The following WFDC8 variants were observed in gnomAD, a reference collection of about 807,000 sequenced individuals.
WFDC8 encodes WAP four-disulfide core domain protein 8.
In WFDC8, 24 loss-of-function variants were observed where a neutral mutation model predicts 27.0. The observed-to-expected ratio is 0.89, with a 90% confidence interval of 0.64 to 1.25. WFDC8 has a LOEUF of 1.25. WFDC8 is among the 50% of genes most tolerant of loss of function. WFDC8 has a pLI of 0.00. For missense variants in WFDC8, 287 were observed against 295.9 expected (o/e 0.97, Z 0.22); for synonymous variants, 106 against 99.7 (o/e 1.06, Z -0.38).
chr20:45,577,404 CT>C lies in WFDC8; in HGVS notation c.26+1817del, dbSNP rs543909192. Among the ~76,000 whole-genome samples, 1,279 of 145,114 alleles carry C rather than the reference CT, an allele frequency of 8.8e-3. 30 individuals carry two copies. Among genetic ancestry groups the C allele is most frequent in the African/African-American group, 0.029 (1,152 of 40,124 alleles). ...CAATAATATATATTACATAAGGTGT[CT>C]TTTTTTTTTTTTGAGATGGAGTCTC... On this transcript the variant is annotated intron_variant, in intron 1 of 5. Coordinates refer to ENST00000289953, the MANE Select transcript of WFDC8 (RefSeq NM_130896.3).
intron 1 of WFDC8, among the ~76,000 whole-genome samples, chr20:45,569,110 G>A (rs903072194): frequency 6.6e-6 from 1 of 152,100 alleles, no homozygotes; most frequent in African/African-American, 2.4e-5. Context: ...ATTTTCAGGG[G>A]GTCTGCAGAT....
intron 1 of WFDC8, among the ~76,000 whole-genome samples, chr20:45,572,336 G>A (rs1356466513): frequency 2.0e-4 from 30 of 147,216 alleles, no homozygotes; most frequent in Admixed American, 2.0e-3. Flanking sequence ...GGTGGAGCTT[G>A]CAGTGAGCCG....
At chr20:45,556,228 C>T (rs1043754840) in intron 3 of WFDC8, among the ~76,000 whole-genome samples, 15 of 152,128 alleles carry the variant, frequency 9.9e-5, no homozygotes, top group African/African-American at 3.4e-4. Flanking sequence ...TAAAATTTGC[C>T]ATTTGATATT....
chr20:45,558,772 G>C, intron 3 of WFDC8, 80 bp downstream of exon 3: 1 of 1,564,328 alleles, frequency 6.4e-7, no homozygotes, highest in Non-Finnish European at 8.7e-7. Context: ...TCCTTGTCCT[G>C]CCATCCAAGG....
At chr20:45,563,693 T>C (rs562725332) in intron 1 of WFDC8, among the ~76,000 whole-genome samples, 82 of 152,364 alleles carry the variant, frequency 5.4e-4, no homozygotes, top group Admixed American at 2.0e-3. Context: ...TTAGAGACTG[T>C]GTAAATCATT....
chr20:45,559,132 G>T (rs761290520), intron 2 of WFDC8, 140 bp from the exon 3 acceptor site: 3 of 1,052,908 alleles, frequency 2.8e-6, no homozygotes, highest in Non-Finnish European at 2.7e-6. Context: ...ATATTCAGGG[G>T]CTAGTTCTGT....
intron 4 of WFDC8, among the ~76,000 whole-genome samples, chr20:45,555,430 A>T (rs112671054): frequency 1.8e-4 from 28 of 152,272 alleles, no homozygotes; most frequent in Admixed American, 7.2e-4. Flanking sequence ...TTCGGGTCAC[A>T]TTGGCCAAGA....
At chr20:45,564,253 TACAC>T (rs1980567225) in intron 1 of WFDC8, among the ~76,000 whole-genome samples, 1 of 152,168 alleles carries the variant, frequency 6.6e-6, no homozygotes, top group East Asian at 1.9e-4. Context: ...AGACCTGGAA[TACAC>T]GGACACAAAT....
chr20:45,572,286 A>G (rs1424041512), intron 1 of WFDC8, among the ~76,000 whole-genome samples: 9 of 151,228 alleles, frequency 6.0e-5, no homozygotes, highest in Non-Finnish European at 4.4e-5. Flanking sequence ...AGTCCCAGCT[A>G]CTCGGGAGGC....
intron 1 of WFDC8, 150 bp downstream of exon 1, chr20:45,579,072 A>G: frequency 1.4e-6 from 1 of 734,638 alleles, no homozygotes; most frequent in Non-Finnish European, 2.4e-6. Context: ...GATTCCTGAC[A>G]CAAGACAGCT....
chr20:45,553,396 A>C, intron 4 of WFDC8, 120 bp from the exon 5 acceptor site: 1 of 1,221,412 alleles, frequency 8.2e-7, no homozygotes, highest in Non-Finnish European at 1.1e-6. Context: ...ACCCTACCCT[A>C]TCCATCTCCA....
At chr20:45,571,924 G>A (rs1200921424) in intron 1 of WFDC8, among the ~76,000 whole-genome samples, 1 of 152,164 alleles carries the variant, frequency 6.6e-6, no homozygotes, top group African/African-American at 2.4e-5. Context: ...TGTGAGTAAT[G>A]CTGCAATGAA....
In WFDC8 at chr20:45,555,574, A is replaced by G. The variant is rs1980209982; in HGVS notation, c.445+127T>C. ...GCAGGCAACTGGCCCAAGACCTCCC[A>G]GCCAGTGAATGACAGAGCTAAGTCT... On this transcript the variant is annotated intron_variant, in intron 4 of 5. Coordinates refer to ENST00000289953, the MANE Select transcript of WFDC8 (RefSeq NM_130896.3). 3.7e-6 allele frequency: 4 copies of G among 1,077,744 alleles called. No homozygotes were observed. The Admixed American group carries it at 9.4e-5, about 25-fold the overall frequency. 66.8% of individuals were successfully genotyped at this position (1,077,744 alleles called of 1,614,324 possible).
intron 3 of WFDC8, among the ~76,000 whole-genome samples, chr20:45,557,496 G>C (rs1362633928): frequency 6.6e-6 from 1 of 151,968 alleles, no homozygotes; most frequent in Non-Finnish European, 1.5e-5. Flanking sequence ...GCAATGGTGC[G>C]ATCTCAGCTC....
chr20:45,560,034 A>G (rs1980411965), intron 2 of WFDC8, among the ~76,000 whole-genome samples: 1 of 152,178 alleles, frequency 6.6e-6, no homozygotes, highest in Non-Finnish European at 1.5e-5. Flanking sequence ...TAAAGACCCA[A>G]GTTAGTTGAC....
rs1033210328 is a variant in WFDC8 at position 45,576,471 on chromosome 20, C to G, written c.26+2751G>C. Among the ~76,000 whole-genome samples, 14 of 151,194 alleles carry G rather than the reference C, an allele frequency of 9.3e-5. 2 individuals are homozygous for G. The highest frequency in any genetic ancestry group is 1.5e-5 in the Non-Finnish European group (1 of 67,600). On this transcript the variant is annotated intron_variant, in intron 1 of 5. Coordinates refer to ENST00000289953, the MANE Select transcript of WFDC8 (RefSeq NM_130896.3). The stretch of plus-strand genomic sequence containing the variant: ...GCGGAGCGCAGTGGCACGATCTTGG[C>G]TCACTCCAACCTCCCTCTCCTGGGT...
chr20:45,563,818 C>A (rs773422318), intron 1 of WFDC8, among the ~76,000 whole-genome samples: 1 of 152,088 alleles, frequency 6.6e-6, no homozygotes, highest in Admixed American at 6.5e-5. Context: ...ATCTATTAAC[C>A]CAGTCTTGAG....
intron 1 of WFDC8, among the ~76,000 whole-genome samples, chr20:45,566,530 G>A (rs1479118787): frequency 6.6e-6 from 1 of 152,074 alleles, no homozygotes; most frequent in Non-Finnish European, 1.5e-5. Flanking sequence ...GGGCATGGTG[G>A]TGCATGACTG....
intron 4 of WFDC8, among the ~76,000 whole-genome samples, chr20:45,553,495 G>C (rs758608313): frequency 1.6e-4 from 25 of 152,180 alleles, no homozygotes; most frequent in Non-Finnish European, 3.5e-4. Flanking sequence ...CCATGGTAAA[G>C]TCCCAGTCCT....
Sources: gnomAD v4.1 joint callset for allele counts (sites outside exome capture counted in the v4.1 genomes callset) on GRCh38, gnomAD v4.1.1 for gene constraint, MANE v1.5 for transcripts, NCBI Gene and HGNC (gene_info 2026-07-23, HGNC 2026-07-21) for gene names.